UBR2: variants seen among roughly 807,000 people sequenced by gnomAD.
UBR2 encodes the protein ubiquitin protein ligase E3 component n-recognin 2.
In UBR2, 92 loss-of-function variants were observed where a neutral mutation model predicts 247.9. The observed-to-expected ratio is 0.37, with a 90% CI of 0.31 to 0.44. The LOEUF is 0.44. Among genes scored for constraint, UBR2 ranks in the 20% least tolerant of loss-of-function variants. The pLI is 1.00. For synonymous variants in UBR2, 672 were observed against 693.5 expected (o/e 0.97, Z 0.49); for missense variants, 1,613 against 2,112.6 (o/e 0.76, Z 4.64).
chr6:42,659,889 A>G lies in UBR2; in HGVS notation c.3442+34A>G. On this transcript the variant is annotated intron_variant, in intron 30 of 46. Transcript: ENST00000372901. This position sits in a 1 kb window ranked among gnomAD's most constrained non-coding sequence, Gnocchi z 4.3. ...TAGCTAGATCCTCATCTTCCCTTTT[A>G]ATAACAACTGCCAGTTAATGTGGTT... 6.3e-7 allele frequency: 1 copy of G among 1,593,198 alleles called. No individual in the cohort carries two copies.
At position 42,673,713 on chromosome 6, in the gene UBR2, C is replaced by G. The variant is rs1379912025; in HGVS notation, c.4087-78C>G. Reference sequence around the variant, plus strand: ...TAGAGCAGTTTCATTGTGCATCCAGCTGTGCTCTGAACTAGCATTCCTGAA... The same window carrying G: ...TAGAGCAGTTTCATTGTGCATCCAGGTGTGCTCTGAACTAGCATTCCTGAA... On this transcript the variant is annotated intron_variant, in intron 36 of 46. Transcript: ENST00000372901. 18 of 977,502 alleles carry G rather than the reference C, an allele frequency of 1.8e-5. No individual in the cohort carries two copies. The Middle Eastern group carries it at 6.2e-4, about 34-fold the overall frequency. 60.6% of individuals were successfully genotyped at this position (977,502 alleles called of 1,614,324 possible).
intron 42 of UBR2, among the ~76,000 whole-genome samples, chr6:42,681,361 G>GTA (rs1799039636): frequency 6.6e-6 from 1 of 151,856 alleles, no homozygotes; most frequent in African/African-American, 2.4e-5. Flanking sequence ...TCAAGACCCT[G>GTA]TATCAAAAGA....
intron 11 of UBR2, among the ~76,000 whole-genome samples, chr6:42,626,066 A>C (rs1049008715): frequency 7.9e-5 from 12 of 151,908 alleles, no homozygotes; most frequent in Non-Finnish European, 1.8e-4. Flanking sequence ...TGCCTGCCTC[A>C]GCCTCCCAAA....
chr6:42,690,954 C>T (rs1799721862), intron 46 of UBR2, 78 bp from the exon 47 acceptor site: 6 of 1,559,350 alleles, frequency 3.8e-6, no homozygotes, highest in Non-Finnish European at 4.3e-6. Flanking sequence ...TGTAACCTTG[C>T]CTAAATCAGG....
chr6:42,666,504 A>C (rs999945831), intron 34 of UBR2, among the ~76,000 whole-genome samples: 4 of 152,152 alleles, frequency 2.6e-5, no homozygotes, highest in Admixed American at 6.6e-5. Context: ...ACAACAACAA[A>C]AAAAGTTTAA....
chr6:42,668,950 T>C (rs191882924), intron 34 of UBR2, among the ~76,000 whole-genome samples: 60 of 151,162 alleles, frequency 4.0e-4, no homozygotes, highest in East Asian at 3.1e-3. Context: ...TGAGACAGAG[T>C]GTTGTTCTTG....
chr6:42,683,163 C>G (rs1205299481), intron 43 of UBR2, 52 bp downstream of exon 43: 65 of 1,492,636 alleles, frequency 4.4e-5, no homozygotes, highest in Non-Finnish European at 5.3e-5. Context: ...AGGGTGGAAT[C>G]AGGATATAAG....
In UBR2 at chr6:42,673,313, G is replaced by A. The variant is rs74434457; in HGVS notation, c.4087-478G>A. ...ATAAACATAGAGAAATACTGCATCC[G>A]CATCTTGGCTTGTTTATTTGTTTTT... On this transcript the variant is annotated intron_variant, in intron 36 of 46. Transcript: ENST00000372901. Among the ~76,000 whole-genome samples, 8 of 152,226 alleles carry A rather than the reference G, an allele frequency of 5.3e-5. No individual in the cohort carries two copies. The East Asian group carries it at 1.2e-3, about 22-fold the overall frequency.
At chr6:42,631,300 A>G (rs887918829) in intron 11 of UBR2, among the ~76,000 whole-genome samples, 4 of 152,172 alleles carry the variant, frequency 2.6e-5, no homozygotes, top group Admixed American at 2.6e-4. Flanking sequence ...TCAAAGTAAC[A>G]TTAGACTTTC....
At chr6:42,662,766 C>T (rs1797888677) in intron 31 of UBR2, among the ~76,000 whole-genome samples, 1 of 152,096 alleles carries the variant, frequency 6.6e-6, no homozygotes, top group Admixed American at 6.6e-5. Context: ...TAGAACTATG[C>T]TCACCCAGTT....
chr6:42,615,432 C>T (rs1794482565), intron 9 of UBR2, among the ~76,000 whole-genome samples: 1 of 152,020 alleles, frequency 6.6e-6, no homozygotes, highest in Non-Finnish European at 1.5e-5. Context: ...ATATTTTGTG[C>T]TAAGGAAAAT....
At chr6:42,583,827 C>T (rs1288818958) in intron 2 of UBR2, among the ~76,000 whole-genome samples, 1 of 151,594 alleles carries the variant, frequency 6.6e-6, no homozygotes, top group East Asian at 1.9e-4. Flanking sequence ...CCCGGCCTCT[C>T]TCTCTAATTT....
chr6:42,568,443 T>G (rs1020930333), intron 1 of UBR2, among the ~76,000 whole-genome samples: 1 of 152,120 alleles, frequency 6.6e-6, no homozygotes, highest in Non-Finnish European at 1.5e-5. Context: ...TATTTATCCA[T>G]GTTGGGCCAG....
At chr6:42,599,527 A>G (rs1005322792) in intron 4 of UBR2, among the ~76,000 whole-genome samples, 4 of 152,350 alleles carry the variant, frequency 2.6e-5, no homozygotes, top group Non-Finnish European at 5.9e-5. Flanking sequence ...GACTCCAGTA[A>G]TGATGCTCTT....
At chr6:42,684,347 C>T (rs181539232) in intron 43 of UBR2, among the ~76,000 whole-genome samples, 7 of 151,730 alleles carry the variant, frequency 4.6e-5, no homozygotes, top group Middle Eastern at 6.8e-3. Flanking sequence ...GAGGCCGAGG[C>T]GGGCAGATCA....
At chr6:42,570,674 T>TG (rs11380925) in intron 1 of UBR2, among the ~76,000 whole-genome samples, 1 of 107,328 alleles carries the variant, frequency 9.3e-6, no homozygotes, top group African/African-American at 4.3e-5. Context: ...AAGTGGCTAG[T>TG]TTTTTTTTTG....
chr6:42,684,615 A>AT (rs1289755053), intron 43 of UBR2, among the ~76,000 whole-genome samples, 179 bp from the exon 44 acceptor site: 1 of 151,880 alleles, frequency 6.6e-6, no homozygotes, highest in Non-Finnish European at 1.5e-5. Flanking sequence ...ACAAAAAAAA[A>AT]ACTGTCTAAA....
chr6:42,607,046 A>G (rs971048590), intron 7 of UBR2, among the ~76,000 whole-genome samples: 5 of 152,168 alleles, frequency 3.3e-5, no homozygotes, highest in African/African-American at 1.2e-4. Context: ...CATAGCAAGT[A>G]GTGTATCATC....
intron 45 of UBR2, 64 bp downstream of exon 45, chr6:42,688,450 C>A: frequency 6.4e-7 from 1 of 1,568,450 alleles, no homozygotes; most frequent in Non-Finnish European, 8.7e-7. Context: ...TAGGGTGTCA[C>A]AGGAAACTAC....
Sources: allele counts gnomAD v4.1 joint callset (sites outside exome capture counted in the v4.1 genomes callset), GRCh38; gene constraint gnomAD v4.1.1; non-coding constraint Gnocchi (gnomAD v3.1); transcripts MANE v1.5; gene names NCBI Gene and HGNC (gene_info 2026-07-23, HGNC 2026-07-21).